Variants in LRP1B observed in about 807,000 individuals in gnomAD.
LRP1B encodes the protein low-density lipoprotein receptor-related protein 1B.
LRP1B carries 217 observed loss-of-function variants against 556.6 expected under a neutral mutation model. The observed-to-expected ratio is 0.39, with a 90% CI of 0.35 to 0.44. The LOEUF (loss-of-function observed/expected upper bound fraction) is 0.44. LRP1B is among the 20% of genes least tolerant of loss of function. LRP1B has a pLI of 1.00. For synonymous variants in LRP1B, 2,047 were observed against 1,865.8 expected (o/e 1.10, Z -2.50); for missense variants, 5,053 against 5,620.8 (o/e 0.90, Z 3.23).
At chr2:142,044,609 CT>C in intron 1 of LRP1B, among the ~76,000 whole-genome samples, 1 of 151,636 alleles carries the variant, frequency 6.6e-6, no homozygotes, top group Admixed American at 6.6e-5. Context: ...TGACAGAGTA[CT>C]TTTTTAAAAA....
At chr2:141,822,058 C>G (rs911681298) in intron 1 of LRP1B, among the ~76,000 whole-genome samples, 6 of 148,656 alleles carry the variant, frequency 4.0e-5, no homozygotes, top group African/African-American at 1.5e-4. Context: ...TCAACACAGA[C>G]CTATTTGGAA....
intron 2 of LRP1B, among the ~76,000 whole-genome samples, chr2:141,808,221 C>A (rs1696224284): frequency 6.6e-6 from 1 of 152,036 alleles, no homozygotes; most frequent in African/African-American, 2.4e-5. Context: ...TCCCCTCCAC[C>A]CTGGCTTTCC....
In LRP1B at chr2:140,598,821, G is replaced by A. The variant is rs1451393860; in HGVS notation, c.7004C>T (p.Thr2335Ile). 6.2e-7 allele frequency: 1 copy of A among 1,601,274 alleles called. No individual in the cohort carries two copies. Among genetic ancestry groups the A allele is most frequent in the African/African-American group, 1.3e-5 (1 of 74,650 alleles). The change falls in exon 43 of 91, where the codon ACC becomes ATC. Residue 2335 changes from threonine (T) to isoleucine (I), a missense_variant. Around this residue, in one of 5 missense-constraint regions of LRP1B, gnomAD observed 3,619 missense variants for 3,931.9 expected, o/e 0.92. Coordinates refer to ENST00000389484, the MANE Select transcript of LRP1B (RefSeq NM_018557.3). ...ACTTGGATGTTGTTCATTCCAGTTG[G>A]TCCAAAACATTAAACTAATTAAAAT... is the stretch of plus-strand genomic sequence containing the variant. ...LDECQNLMFW[T>I]NWNEQHPSIM...
At chr2:141,469,312 T>G (rs929896176) in intron 3 of LRP1B, among the ~76,000 whole-genome samples, 1 of 152,358 alleles carries the variant, frequency 6.6e-6, no homozygotes, top group African/African-American at 2.4e-5. Flanking sequence ...ACCAGTCTCA[T>G]AGCTGTTTCA....
At chr2:140,444,304 A>G (rs775927857) in intron 65 of LRP1B, 26 bp downstream of exon 65, 1 of 1,613,316 alleles carries the variant, frequency 6.2e-7, no homozygotes, top group Admixed American at 1.7e-5. Context: ...AGTTAAGACA[A>G]GACAGAGTAT....
chr2:140,329,236 G>A (rs1486633949), intron 79 of LRP1B, among the ~76,000 whole-genome samples: 2 of 151,892 alleles, frequency 1.3e-5, no homozygotes, highest in East Asian at 3.9e-4. Context: ...AAGAGTTCAT[G>A]TTCCTCATAC....
chr2:141,937,181 A>C (rs1700658176), intron 1 of LRP1B, among the ~76,000 whole-genome samples: 1 of 151,868 alleles, frequency 6.6e-6, no homozygotes, highest in African/African-American at 2.4e-5. Context: ...TGAAGTCAGG[A>C]GATTGAGACC....
intron 2 of LRP1B, among the ~76,000 whole-genome samples, chr2:141,584,927 G>A (rs1437086404): frequency 6.6e-6 from 1 of 152,090 alleles, no homozygotes; most frequent in Non-Finnish European, 1.5e-5. Context: ...TGTTCAATGG[G>A]TACAGAGTTT....
chr2:141,036,530 A>T (rs1698536932), intron 11 of LRP1B, among the ~76,000 whole-genome samples: 1 of 152,082 alleles, frequency 6.6e-6, no homozygotes, highest in Non-Finnish European at 1.5e-5. Context: ...AGAGGTACAA[A>T]CAAATAATCT....
intron 7 of LRP1B, among the ~76,000 whole-genome samples, chr2:141,130,926 A>G (rs1701333618): frequency 6.6e-6 from 1 of 152,174 alleles, no homozygotes; most frequent in Non-Finnish European, 1.5e-5. Flanking sequence ...ACACAGGAAC[A>G]GAAAACCAAA....
intron 41 of LRP1B, among the ~76,000 whole-genome samples, chr2:140,680,548 C>T (rs1184154839): frequency 6.6e-6 from 1 of 152,174 alleles, no homozygotes; most frequent in Non-Finnish European, 1.5e-5. Flanking sequence ...ATCTGGCAGG[C>T]ACTGTGGTAA....
chr2:140,747,694 G>T (rs180888174), intron 35 of LRP1B, among the ~76,000 whole-genome samples: 5 of 152,048 alleles, frequency 3.3e-5, no homozygotes, highest in African/African-American at 9.7e-5. Context: ...AATAGGTAAG[G>T]TCTTAAATCT....
At chr2:140,940,790 T>C (rs950947658) in intron 20 of LRP1B, among the ~76,000 whole-genome samples, 13 of 152,152 alleles carry the variant, frequency 8.5e-5, no homozygotes, top group African/African-American at 3.1e-4. Flanking sequence ...ATACTCAGTA[T>C]TGGGATTGCA....
intron 2 of LRP1B, among the ~76,000 whole-genome samples, chr2:141,543,380 C>G (rs1415152187): frequency 5.9e-5 from 9 of 151,408 alleles, no homozygotes; most frequent in African/African-American, 2.2e-4. Context: ...TCAGGCATGA[C>G]AGTATGCACC....
intron 66 of LRP1B, among the ~76,000 whole-genome samples, chr2:140,413,304 A>G (rs1436676172): frequency 6.6e-6 from 1 of 152,212 alleles, no homozygotes; most frequent in East Asian, 1.9e-4. Flanking sequence ...AATTTCTTGT[A>G]TACTCCAGAT....
intron 41 of LRP1B, among the ~76,000 whole-genome samples, chr2:140,675,107 A>C (rs891829080): frequency 2.0e-5 from 3 of 152,190 alleles, no homozygotes; most frequent in Non-Finnish European, 4.4e-5. Flanking sequence ...CTTTTGACTC[A>C]TGTGTCTCCT....
chr2:141,572,803 T>C (rs1327775127), intron 2 of LRP1B, among the ~76,000 whole-genome samples: 1 of 152,018 alleles, frequency 6.6e-6, no homozygotes, highest in Non-Finnish European at 1.5e-5. Flanking sequence ...AATCCTAGTC[T>C]CTGACAAAAC....
chr2:140,931,356 A>C (rs1250852303), intron 20 of LRP1B, among the ~76,000 whole-genome samples: 1 of 152,054 alleles, frequency 6.6e-6, no homozygotes, highest in East Asian at 1.9e-4. Context: ...TTTTCCCTTT[A>C]ATTTCAACAA....
chr2:141,690,820 A>C (rs978322996), intron 2 of LRP1B, among the ~76,000 whole-genome samples: 1 of 151,802 alleles, frequency 6.6e-6, no homozygotes, highest in Non-Finnish European at 1.5e-5. Context: ...ATTTGCATTC[A>C]GCTGCAGTCC....
Sources: gnomAD v4.1 joint callset for allele counts (sites outside exome capture counted in the v4.1 genomes callset) on GRCh38, gnomAD v4.1.1 for gene constraint, gnomAD v4.1.1 regional missense constraint, MANE v1.5 for transcripts, NCBI Gene and HGNC (gene_info 2026-07-23, HGNC 2026-07-21) for gene names.